The following PLK1 variants were observed in gnomAD, a reference collection of about 807,000 sequenced individuals.
PLK1 encodes polo like kinase 1, also known as serine/threonine-protein kinase PLK1.
A neutral mutation model predicts 56.7 loss-of-function variants in PLK1; 6 were observed. The ratio of observed to expected loss-of-function variants is 0.11; its 90% confidence interval spans 0.06 to 0.21. PLK1 has a LOEUF of 0.21. Ranked by LOEUF, PLK1 falls within the 10% of genes least tolerant of loss-of-function variation. PLK1 has a pLI of 1.00. For synonymous variants in PLK1, 298 were observed against 325.0 expected, an observed-to-expected ratio of 0.92 and a Z score of 0.89; for missense variants, 546 against 814.4, an observed-to-expected ratio of 0.67 and a Z score of 4.01.
Position 23,680,215 on chromosome 16 carries a change from C to T in PLK1, c.540C>T (p.Gly180=). Residue 180 remains glycine, a synonymous_variant, in exon 2 of 10, where the codon GGC becomes GGT. Transcript: ENST00000300093. The part of the protein sequence containing the change: ...NRVIHRDLKL[G]NLFLNEDLEV... ...TTATTCATCGAGACCTCAAGCTGGG[C>T]AACCTTTTCCTGAATGAAGATCTGG... The T allele has an allele frequency of 6.2e-7, 1 of 1,614,024 alleles. No individual in the cohort carries two copies. Among genetic ancestry groups the T allele is most frequent in the Non-Finnish European group, 8.5e-7 (1 of 1,179,948 alleles).
chr16:23,687,450 G>A lies in PLK1; in HGVS notation c.1037-19G>A. 2 of 1,541,476 alleles carry A rather than the reference G, an allele frequency of 1.3e-6. No individual in the cohort carries two copies. The highest frequency in any genetic ancestry group is 8.8e-7 in the Non-Finnish European group (1 of 1,133,704). On this transcript the variant is annotated intron_variant, in intron 5 of 9. Coordinates refer to ENST00000300093, the MANE Select transcript of PLK1 (RefSeq NM_005030.6). ...GTCCCGTGCCCTTCCCAACGCCCCT[G>A]TTTTTGTCACCTTCCTAGGCTTGGA...
At chr16:23,681,273 G>A (rs188798639) in intron 3 of PLK1, among the ~76,000 whole-genome samples, 3 of 152,110 alleles carry the variant, frequency 2.0e-5, no homozygotes, top group African/African-American at 4.8e-5. Context: ...TGGGTACAGC[G>A]GAGGAGGAGG....
At chr16:23,682,012 T>C (rs561187572) in intron 3 of PLK1, 52 bp from the exon 4 acceptor site, 2 of 931,012 alleles carry the variant, frequency 2.1e-6, no homozygotes, top group Middle Eastern at 2.3e-4. Context: ...ATTTCTCTCA[T>C]GTCTGGGTTG....
rs190638613 is a variant in PLK1, at chr16:23,683,983, C to A, written c.930C>A (p.Ile310=). The A allele has an allele frequency of 1.9e-6, 3 of 1,614,020 alleles. No individual in the cohort carries two copies. The East Asian group carries it at 6.7e-5, about 36-fold the overall frequency. ...ACGAGTTCTTTACTTCTGGCTATAT[C>A]CCTGCCCGTCTCCCCATCACCTGCC... is the stretch of plus-strand genomic sequence containing the variant. ...LNDEFFTSGY[I]PARLPITCLT... Residue 310 remains isoleucine, a synonymous_variant, in exon 5 of 10, where the codon ATC becomes ATA. Transcript: ENST00000300093.
Position 23,690,286 on chromosome 16 carries a change from T to C in PLK1, c.*223T>C. On this transcript the variant is annotated 3_prime_UTR_variant, in exon 10 of 10. Coordinates refer to ENST00000300093, the MANE Select transcript of PLK1 (RefSeq NM_005030.6). ...GTCCCCCTCCCCCTCAACCCCACCATATGAATTGTACAGAATATTTCTATT... is the reference window on the plus strand; with the variant it reads ...GTCCCCCTCCCCCTCAACCCCACCACATGAATTGTACAGAATATTTCTATT... The C allele has an allele frequency of 1.7e-6, 1 of 595,842 alleles. No homozygotes were observed. Among genetic ancestry groups the C allele is most frequent in the Non-Finnish European group, 3.0e-6 (1 of 332,050 alleles). 36.9% of individuals were successfully genotyped at this position (595,842 alleles called of 1,614,324 possible).
intron 6 of PLK1, chr16:23,687,846 C>T (rs1384928740): frequency 1.4e-5 from 5 of 364,290 alleles, no homozygotes; most frequent in African/African-American, 4.2e-5. Flanking sequence ...CACCTTCATA[C>T]GCTGTTTCTT....
intron 5 of PLK1, among the ~76,000 whole-genome samples, chr16:23,685,721 AATT>A (rs1959417731): frequency 6.6e-6 from 1 of 151,600 alleles, no homozygotes; most frequent in Non-Finnish European, 1.5e-5. Flanking sequence ...AAAAAAAAAA[AATT>A]TTTTTTTTGT....
chr16:23,684,858 CTG>C (rs1208783684), intron 5 of PLK1, among the ~76,000 whole-genome samples: 3 of 149,278 alleles, frequency 2.0e-5, no homozygotes, highest in Admixed American at 6.8e-5. Flanking sequence ...CGGGGTTTCA[CTG>C]TGTTAGCCAG....
In PLK1 at chr16:23,678,996, G is replaced by T; in HGVS notation, c.64G>T (p.Val22Phe). Residue 22 changes from valine (V) to phenylalanine (F), a missense_variant, in exon 1 of 10, where the codon GTC becomes TTC. Around this residue, in one of 7 missense-constraint regions of PLK1, gnomAD observed 72 missense variants for 63.7 expected, o/e 1.13. Transcript: ENST00000300093. ...ACCGGCCGACCCTGGGAAAGCCGGG[G>T]TCCCCGGAGTTGCAGCTCCCGGAGC... is the stretch of plus-strand genomic sequence containing the variant. ...RAPADPGKAG[V>F]PGVAAPGAPA... 6.2e-7 allele frequency: 1 copy of T among 1,603,550 alleles called. No homozygotes were observed. The highest frequency in any genetic ancestry group is 2.2e-5 in the East Asian group (1 of 44,590).
intron 2 of PLK1, 88 bp downstream of exon 2, chr16:23,680,340 A>C: frequency 9.1e-7 from 1 of 1,100,580 alleles, no homozygotes. Flanking sequence ...GAGACAACCC[A>C]CAAGTCAGTA....
chr16:23,690,344 C>T lies in PLK1; in HGVS notation c.*281C>T. The T allele has an allele frequency of 1.8e-6, 1 of 547,152 alleles. No individual in the cohort carries two copies. The highest frequency in any genetic ancestry group is 3.1e-5 in the East Asian group (1 of 32,684). The allele number at this position is 547,152 out of a possible 1,614,324, so 33.9% of individuals were successfully genotyped here. A position where few individuals can be genotyped will look rare whatever the true frequency, so the allele number is the denominator to read the frequency against. ...GAACTGTCCTTTCCTTGGCTTTATG[C>T]ACATTAAACAGATGTGAATATTCTT... On this transcript the variant is annotated 3_prime_UTR_variant, in exon 10 of 10. Coordinates refer to ENST00000300093, the MANE Select transcript of PLK1 (RefSeq NM_005030.6).
At chr16:23,682,985 CTTTTTTTTTTTTTT>C (rs1031796646) in intron 4 of PLK1, among the ~76,000 whole-genome samples, 2 of 91,516 alleles carry the variant, frequency 2.2e-5, no homozygotes, top group African/African-American at 4.1e-5. Flanking sequence ...TGTGCATTTT[CTTTTTTTTTTTTTT>C]TTTTTTTTTG....
chr16:23,688,514 C>T (rs913337163), intron 6 of PLK1, among the ~76,000 whole-genome samples, 154 bp from the exon 7 acceptor site: 31 of 152,360 alleles, frequency 2.0e-4, no homozygotes, highest in African/African-American at 5.8e-4. Flanking sequence ...AGCAGAGGCC[C>T]TGCTTTGCTC....
intron 5 of PLK1, among the ~76,000 whole-genome samples, chr16:23,684,315 T>C (rs1171309149): frequency 6.6e-6 from 1 of 152,220 alleles, no homozygotes; most frequent in Non-Finnish European, 1.5e-5. Flanking sequence ...GAAAATGGAT[T>C]GAATGCCAAG....
rs116417231 is a variant in PLK1 at position 23,689,173 on chromosome 16, C to T, written c.1271-65C>T. 875 of 1,449,934 alleles carry T rather than the reference C, an allele frequency of 6.0e-4. 12 individuals carry two copies. The African/African-American group carries it at 0.01, about 17-fold the overall frequency. The allele number at this position is 1,449,934 out of a possible 1,614,324, so 89.8% of individuals were successfully genotyped here. A position where few individuals can be genotyped will look rare whatever the true frequency, so the allele number is the denominator to read the frequency against. On this transcript the variant is annotated intron_variant, in intron 7 of 9. Transcript: ENST00000300093. This position sits in a 1 kb window ranked among gnomAD's most constrained non-coding sequence, Gnocchi z 4.8. ...TGCTGGAATCACAGGCATGTGCCAC[C>T]ACGCCCGGTCCCACTCCCCACTTTC...
At chr16:23,686,432 G>A (rs75256646) in intron 5 of PLK1, among the ~76,000 whole-genome samples, 5,159 of 152,270 alleles carry the variant, frequency 0.034, 110 homozygotes, top group Middle Eastern at 0.095. Flanking sequence ...TGGACAGACT[G>A]TTTTATTTAT....
Position 23,687,605 on chromosome 16 carries a change from G to C in PLK1, c.1173G>C (p.Glu391Asp). 6.3e-7 allele frequency: 1 copy of C among 1,588,106 alleles called. No individual in the cohort carries two copies. The highest frequency in any genetic ancestry group is 2.3e-5 in the East Asian group (1 of 43,424). Residue 391 changes from glutamate (E) to aspartate (D), a missense_variant, in exon 6 of 10, where the codon GAG (glutamate) becomes GAC (aspartate). Glu to Asp is a conservative substitution (Grantham distance 45). Around this residue, in one of 7 missense-constraint regions of PLK1, gnomAD observed 157 missense variants for 184.0 expected, o/e 0.85. Coordinates refer to ENST00000300093, the MANE Select transcript of PLK1 (RefSeq NM_005030.6). ...LHSVNASKPS[E>D]RGLVRQEEAE... Reference sequence around the variant, plus strand: ...GTGTCAATGCCTCCAAGCCCTCGGAGCGTGGGCTGGTCAGGCAAGGTGGGT... The same window carrying C: ...GTGTCAATGCCTCCAAGCCCTCGGACCGTGGGCTGGTCAGGCAAGGTGGGT...
At chr16:23,686,024 T>C (rs999437671) in intron 5 of PLK1, among the ~76,000 whole-genome samples, 2 of 152,164 alleles carry the variant, frequency 1.3e-5, no homozygotes, top group African/African-American at 4.8e-5. Context: ...AAGGATTACT[T>C]ATTTCTCTGC....
intron 4 of PLK1, among the ~76,000 whole-genome samples, chr16:23,683,230 G>T (rs916865179): frequency 6.6e-6 from 1 of 151,938 alleles, no homozygotes; most frequent in Non-Finnish European, 1.5e-5. Flanking sequence ...CTGACCTTGT[G>T]ATCCACCTGC....
Sources: allele counts gnomAD v4.1 joint callset (sites outside exome capture counted in the v4.1 genomes callset), GRCh38; gene constraint gnomAD v4.1.1; regional missense constraint gnomAD v4.1.1; non-coding constraint Gnocchi (gnomAD v3.1); transcripts MANE v1.5; gene names NCBI Gene and HGNC (gene_info 2026-07-23, HGNC 2026-07-21).